Variants in CCDC73 observed in about 807,000 individuals in gnomAD.
CCDC73 encodes coiled-coil domain containing 73, also known as coiled-coil domain-containing protein 73.
In CCDC73, 95 loss-of-function variants were observed where a neutral mutation model predicts 116.5. That is an observed-to-expected ratio of 0.82 (90% CI 0.69 to 0.97). CCDC73 has a LOEUF of 0.97. CCDC73 is among the 50% of genes least tolerant of loss of function. CCDC73 has a pLI of 0.00. For synonymous variants in CCDC73, 398 were observed against 401.3 expected, an observed-to-expected ratio of 0.99 and a Z score of 0.10; for missense variants, 1,066 against 1,206.8, an observed-to-expected ratio of 0.88 and a Z score of 1.73.
chr11:32,677,581 T>G (rs1856100039), intron 7 of CCDC73, among the ~76,000 whole-genome samples: 1 of 152,128 alleles, frequency 6.6e-6, no homozygotes, highest in Non-Finnish European at 1.5e-5. Context: ...AAGCAATTCT[T>G]TATTCTCTGG....
At chr11:32,792,311 C>T (rs943037978) in intron 1 of CCDC73, among the ~76,000 whole-genome samples, 3 of 151,642 alleles carry the variant, frequency 2.0e-5, no homozygotes, top group African/African-American at 7.3e-5. Context: ...AAATAAAAAA[C>T]ATAAGTGTAC....
chr11:32,814,998 G>T, the CCDC73 span, among the ~76,000 whole-genome samples: 1 of 152,264 alleles, frequency 6.6e-6, no homozygotes, highest in East Asian at 1.9e-4. Context: ...AGACAGAAGG[G>T]TGATTAAAGT....
chr11:32,762,505 C>T (rs1275097728), intron 1 of CCDC73, among the ~76,000 whole-genome samples: 1 of 152,080 alleles, frequency 6.6e-6, no homozygotes, highest in Non-Finnish European at 1.5e-5. Context: ...AAGTAGAATT[C>T]AAAAGAGTTA....
chr11:32,677,570 CA>C (rs1157360721), intron 7 of CCDC73, among the ~76,000 whole-genome samples: 1 of 152,182 alleles, frequency 6.6e-6, no homozygotes, highest in Non-Finnish European at 1.5e-5. Flanking sequence ...TGTTCATTCT[CA>C]AGCAATTCTT....
At chr11:32,719,065 A>G (rs995540043) in intron 2 of CCDC73, among the ~76,000 whole-genome samples, 1 of 152,232 alleles carries the variant, frequency 6.6e-6, no homozygotes, top group African/African-American at 2.4e-5. Context: ...GAGAGCTGCA[A>G]AGACAGAGTT....
chr11:32,741,971 C>T (rs1328663959), intron 2 of CCDC73, among the ~76,000 whole-genome samples: 2 of 152,112 alleles, frequency 1.3e-5, no homozygotes, highest in Non-Finnish European at 2.9e-5. Context: ...ATCCATGTCC[C>T]TACAAAGGAC....
intron 17 of CCDC73, among the ~76,000 whole-genome samples, chr11:32,607,278 G>A (rs1290329842): frequency 1.3e-5 from 2 of 149,434 alleles, no homozygotes; most frequent in Non-Finnish European, 3.0e-5. Flanking sequence ...ATTTTTAGTA[G>A]AGACGGGGTT....
intron 1 of CCDC73, among the ~76,000 whole-genome samples, chr11:32,767,591 C>G (rs1386901118): frequency 6.6e-6 from 1 of 152,146 alleles, no homozygotes; most frequent in Non-Finnish European, 1.5e-5. Flanking sequence ...GGGCTAATAT[C>G]CAGAATCTAC....
At chr11:32,758,856 ATACT>A (rs1217182179) in intron 2 of CCDC73, among the ~76,000 whole-genome samples, 1 of 152,154 alleles carries the variant, frequency 6.6e-6, no homozygotes, top group Non-Finnish European at 1.5e-5. Flanking sequence ...CTTCTTTATA[ATACT>A]TACCCAAAAT....
rs948837881 is a variant in CCDC73, at chr11:32,627,156, G to A, written c.1185+8540C>T. ...CAAACAACCCCATCAACAAGTGGGC[G>A]AAGGATATGAACAGACACTTCTCAA... On this transcript the variant is annotated intron_variant, in intron 14 of 17. Transcript: ENST00000335185. Among the ~76,000 whole-genome samples the A allele has an allele frequency of 4.6e-5, 7 of 152,154 alleles. No individual in the cohort carries two copies. In the East Asian group the frequency reaches 5.8e-4, roughly 13 times the overall value.
At chr11:32,650,223 A>G (rs1404467618) in intron 12 of CCDC73, among the ~76,000 whole-genome samples, 2 of 152,232 alleles carry the variant, frequency 1.3e-5, no homozygotes, top group Non-Finnish European at 2.9e-5. Context: ...ATAAGCTGTC[A>G]TAGATCTAGG....
intron 7 of CCDC73, chr11:32,682,691 C>G (rs895387255): frequency 6.6e-6 from 1 of 151,558 alleles, no homozygotes; most frequent in Non-Finnish European, 1.5e-5. Context: ...AAATTTTGCT[C>G]AACCAAAAAC....
At chr11:32,692,101 T>A (rs1856265657) in intron 6 of CCDC73, among the ~76,000 whole-genome samples, 1 of 151,868 alleles carries the variant, frequency 6.6e-6, no homozygotes, top group African/African-American at 2.4e-5. Flanking sequence ...TCATCTAGAT[T>A]TTCTCCTACG....
intron 1 of CCDC73, among the ~76,000 whole-genome samples, chr11:32,766,826 T>C (rs1257811810): frequency 3.9e-5 from 6 of 151,972 alleles, no homozygotes; most frequent in Admixed American, 1.3e-4. Context: ...AAAGAGGACA[T>C]AAACAAATGG....
chr11:32,702,855 C>T lies in CCDC73; in HGVS notation c.279+18G>A, dbSNP rs1308863539. On this transcript the variant is annotated intron_variant, in intron 4 of 17. Transcript: ENST00000335185. ...CAATATTTAAAATGGTAGTGTTTGT[C>T]TATCCTTATGAAATTACCTGCTTTT... The T allele has an allele frequency of 1.3e-6, 2 of 1,542,468 alleles. No homozygotes were observed. Among genetic ancestry groups the T allele is most frequent in the African/African-American group, 2.7e-5 (2 of 73,408 alleles).
chr11:32,712,230 T>G (rs1590608116), intron 3 of CCDC73, among the ~76,000 whole-genome samples: 1 of 151,994 alleles, frequency 6.6e-6, no homozygotes, highest in Non-Finnish European at 1.5e-5. Context: ...TTATACAAGT[T>G]GAGAGTAGAA....
intron 1 of CCDC73, among the ~76,000 whole-genome samples, chr11:32,765,676 T>G (rs935564271): frequency 6.6e-6 from 1 of 152,144 alleles, no homozygotes; most frequent in African/African-American, 2.4e-5. Context: ...GATCTAAAAT[T>G]GACACCCTAA....
the CCDC73 span, among the ~76,000 whole-genome samples, chr11:32,826,200 C>A: frequency 6.6e-6 from 1 of 152,168 alleles, no homozygotes; most frequent in Non-Finnish European, 1.5e-5. Context: ...GATATATAAT[C>A]AACCTGGAAC....
At chr11:32,653,859 A>C in intron 11 of CCDC73, 119 bp downstream of exon 11, 1 of 1,117,672 alleles carries the variant, frequency 8.9e-7, no homozygotes, top group Non-Finnish European at 1.2e-6. Context: ...ATACACATGT[A>C]CATTTAATAC....
Sources: gnomAD v4.1 joint callset for allele counts (sites outside exome capture counted in the v4.1 genomes callset) on GRCh38, gnomAD v4.1.1 for gene constraint, MANE v1.5 for transcripts, NCBI Gene and HGNC (gene_info 2026-07-23, HGNC 2026-07-21) for gene names.